The following HECW2 variants were observed in gnomAD, a reference collection of about 807,000 sequenced individuals.
The protein encoded by HECW2 is HECT, C2 and WW domain containing E3 ubiquitin protein ligase 2.
In HECW2, 61 loss-of-function variants were observed where a neutral mutation model predicts 175.2. That is an observed-to-expected ratio of 0.35 (90% confidence interval 0.28 to 0.43). The LOEUF is 0.43. HECW2 is among the 20% of genes least tolerant of loss of function. The pLI is 1.00. For synonymous variants in HECW2, 671 were observed against 731.0 expected (o/e 0.92, Z 1.32); for missense variants, 1,524 against 2,000.5 (o/e 0.76, Z 4.54).
intron 2 of HECW2, among the ~76,000 whole-genome samples, chr2:196,393,925 T>G (rs911621437): frequency 1.3e-5 from 2 of 152,210 alleles, no homozygotes; most frequent in Admixed American, 1.3e-4. Context: ...AATGATAGAC[T>G]GGATTAAGAA....
At position 196,318,577 on chromosome 2, in the gene HECW2, A is replaced by G. The variant is rs1014272738; in HGVS notation, c.2313T>C (p.Thr771=). The change falls in exon 9 of 29, where the codon ACT becomes ACC. Residue 771 remains threonine, a synonymous_variant. Transcript: ENST00000644978. ...CTCCAGTAGCGCCCTCCTCCTGGGC[A>G]GTTGCCCCTTCACAGGTGCCTTGGG... is the stretch of plus-strand genomic sequence containing the variant. ...GEAQGTCEGA[T]AQEEGATGGS... 1 of 1,528,168 alleles carries G rather than the reference A, an allele frequency of 6.5e-7. No homozygotes were observed. The highest frequency in any genetic ancestry group is 8.8e-7 in the Non-Finnish European group (1 of 1,138,418). The allele number at this position is 1,528,168 out of a possible 1,614,324, so 94.7% of individuals were successfully genotyped here. A position where few individuals can be genotyped will look rare whatever the true frequency, so the allele number is the denominator to read the frequency against.
At chr2:196,211,177 C>T (rs544912089) in intron 28 of HECW2, among the ~76,000 whole-genome samples, 14 of 152,276 alleles carry the variant, frequency 9.2e-5, no homozygotes, top group East Asian at 3.9e-4. Flanking sequence ...TCAGGTCCTC[C>T]GTCCCATCAC....
chr2:196,445,352 C>T (rs1407593717), intron 1 of HECW2, among the ~76,000 whole-genome samples: 2 of 152,086 alleles, frequency 1.3e-5, no homozygotes, highest in Non-Finnish European at 2.9e-5. Context: ...AAGGTAGATC[C>T]ATTACAGAAA....
intron 2 of HECW2, among the ~76,000 whole-genome samples, chr2:196,396,584 A>G (rs1694665856): frequency 6.6e-6 from 1 of 152,250 alleles, no homozygotes; most frequent in Non-Finnish European, 1.5e-5. Flanking sequence ...GCAAGCTATC[A>G]ATGTATCTCT....
intron 1 of HECW2, among the ~76,000 whole-genome samples, chr2:196,538,166 C>T (rs1301918584): frequency 1.3e-5 from 2 of 152,336 alleles, no homozygotes; most frequent in African/African-American, 4.8e-5. Context: ...TGTAACCTCT[C>T]CACCTCCTTC....
intron 2 of HECW2, among the ~76,000 whole-genome samples, chr2:196,361,392 G>A (rs1284502641): frequency 6.6e-6 from 1 of 152,168 alleles, no homozygotes; most frequent in African/African-American, 2.4e-5. Context: ...CTCACTCCCT[G>A]AGAGAAGAAC....
At chr2:196,589,244 A>T (rs1691096246) in intron 1 of HECW2, among the ~76,000 whole-genome samples, 1 of 152,142 alleles carries the variant, frequency 6.6e-6, no homozygotes, top group Non-Finnish European at 1.5e-5. Context: ...AGACATGCTG[A>T]CCAAGCTTTT....
At chr2:196,416,172 G>C (rs1347868363) in intron 2 of HECW2, among the ~76,000 whole-genome samples, 1 of 152,136 alleles carries the variant, frequency 6.6e-6, no homozygotes, top group Non-Finnish European at 1.5e-5. Flanking sequence ...TTACAGTTTA[G>C]AGAAAGATGA....
At chr2:196,548,147 T>C (rs148976944) in intron 1 of HECW2, among the ~76,000 whole-genome samples, 6 of 151,730 alleles carry the variant, frequency 4.0e-5, no homozygotes, top group Non-Finnish European at 7.4e-5. Flanking sequence ...CTGGCCAATA[T>C]AGAAACCCTA....
Position 196,433,319 on chromosome 2 carries a change from G to T in HECW2, c.105C>A (p.Ser35Arg). The T allele has an allele frequency of 6.2e-7, 1 of 1,614,142 alleles. No individual in the cohort carries two copies. The highest frequency in any genetic ancestry group is 2.2e-5 in the East Asian group (1 of 44,878). The change falls in exon 2 of 29, where the codon AGC (serine) becomes AGA (arginine). Residue 35 changes from serine to arginine, a missense_variant. By Grantham distance (110) the Ser-to-Arg change is moderately radical (BLOSUM62 -1). This residue lies in a region of HECW2 where 135 missense variants were observed against 214.6 expected (regional missense o/e 0.63). Transcript: ENST00000644978. ...PENLQSLAAQSSMPENMTLQR... is the reference protein window; with the variant it reads ...PENLQSLAAQRSMPENMTLQR... ...GCAGGGTCATGTTCTCTGGCATGGAGCTCTGGGCGGCAAGGCTCTGGAGGT... is the reference window on the plus strand; with the variant it reads ...GCAGGGTCATGTTCTCTGGCATGGATCTCTGGGCGGCAAGGCTCTGGAGGT...
Position 196,215,901 on chromosome 2 carries a change from C to G in HECW2, c.4571G>C (p.Cys1524Ser), listed in dbSNP as rs1403386651. The change falls in exon 28 of 29, where the codon TGT (cysteine) becomes TCT (serine). Residue 1524 changes from cysteine (C) to serine (S), a missense_variant. Cys to Ser is a moderately radical substitution (Grantham distance 112). Around this residue, in one of 11 missense-constraint regions of HECW2, gnomAD observed 134 missense variants for 287.8 expected, o/e 0.47. Transcript: ENST00000644978. ...LRGSNGPRRF[C>S]VEKWGKITAL... ...AGTGATTTTCCCCCATTTCTCCACA[C>G]AGAATCTTCTTGGGCCGTTACTCCC... The G allele has an allele frequency of 6.2e-7, 1 of 1,613,966 alleles. No individual in the cohort carries two copies. The highest frequency in any genetic ancestry group is 1.1e-5 in the South Asian group (1 of 91,084).
chr2:196,421,381 A>C (rs1332374990), intron 2 of HECW2, among the ~76,000 whole-genome samples: 1 of 152,170 alleles, frequency 6.6e-6, no homozygotes, highest in Non-Finnish European at 1.5e-5. Context: ...TGATGGGAAA[A>C]GATACACTAA....
intron 1 of HECW2, among the ~76,000 whole-genome samples, chr2:196,444,511 C>G (rs990486029): frequency 1.3e-5 from 2 of 152,192 alleles, no homozygotes; most frequent in South Asian, 2.1e-4. Flanking sequence ...CACAACAGCA[C>G]TAAGCCAAGT....
At chr2:196,402,200 CAAAAAAAAA>C (rs55851966) in intron 2 of HECW2, among the ~76,000 whole-genome samples, 12 of 70,388 alleles carry the variant, frequency 1.7e-4, no homozygotes, top group Middle Eastern at 0.022. Flanking sequence ...GACTCTGTCT[CAAAAAAAAA>C]AAAAAAAAAA....
At chr2:196,354,412 C>G (rs1480153269) in intron 2 of HECW2, among the ~76,000 whole-genome samples, 1 of 152,190 alleles carries the variant, frequency 6.6e-6, no homozygotes, top group Non-Finnish European at 1.5e-5. Flanking sequence ...CTCCCTCCCG[C>G]TAGGGGCTGA....
chr2:196,320,505 A>C, intron 7 of HECW2, 66 bp from the exon 8 acceptor site: 1 of 973,856 alleles, frequency 1.0e-6, no homozygotes, highest in Non-Finnish European at 1.6e-6. Flanking sequence ...GTCTTTCCAC[A>C]GGCCACCCAC....
chr2:196,291,002 A>G (rs900948742), intron 14 of HECW2: 16 of 152,190 alleles, frequency 1.1e-4, no homozygotes, highest in African/African-American at 3.1e-4. Context: ...AGTAGTTTCA[A>G]TGAGAGTTTA....
rs968535319 is a variant in HECW2, at chr2:196,553,017, C to A, written c.-36+40491G>T. On this transcript the variant is annotated intron_variant, in intron 1 of 28. Transcript: ENST00000644978. ...GCCCCAGGGGGAGATGACTGTGCCCCAAGCCCCAGAAGGGGTGGGCGAGTA... is the reference window on the plus strand; with the variant it reads ...GCCCCAGGGGGAGATGACTGTGCCCAAAGCCCCAGAAGGGGTGGGCGAGTA... 2.1e-4 allele frequency among the ~76,000 whole-genome samples: 32 copies of A among 152,330 alleles called. No homozygotes were observed. In the East Asian group the frequency reaches 3.1e-3, roughly 15 times the overall value.
At chr2:196,585,347 G>A (rs1690936122) in intron 1 of HECW2, among the ~76,000 whole-genome samples, 1 of 152,114 alleles carries the variant, frequency 6.6e-6, no homozygotes, top group African/African-American at 2.4e-5. Flanking sequence ...AATGACTTTT[G>A]TCCTAGTATT....
Sources: allele counts gnomAD v4.1 joint callset (sites outside exome capture counted in the v4.1 genomes callset), GRCh38; gene constraint gnomAD v4.1.1; regional missense constraint gnomAD v4.1.1; transcripts MANE v1.5; gene names NCBI Gene and HGNC (gene_info 2026-07-23, HGNC 2026-07-21).